SPATA31E1: variants seen among roughly 807,000 people sequenced by gnomAD.
The protein encoded by SPATA31E1 is spermatogenesis-associated protein 31E1.
A neutral mutation model predicts 12.9 loss-of-function variants in SPATA31E1; 7 were observed. The ratio of observed to expected loss-of-function variants is 0.54; its 90% CI spans 0.31 to 1.02. The LOEUF (loss-of-function observed/expected upper bound fraction) is 1.02, where lower values mean the gene tolerates loss of function less well. Among genes scored for constraint, SPATA31E1 ranks in the 50% least tolerant of loss-of-function variants. SPATA31E1 has a pLI of 0.05. For synonymous variants in SPATA31E1, 771 were observed against 719.0 expected (o/e 1.07, Z -1.16); for missense variants, 1,961 against 1,799.8 (o/e 1.09, Z -1.62).
intron 3 of SPATA31E1, 29 bp from the exon 4 acceptor site, chr9:87,884,884 C>T (rs756122600): frequency 5.7e-6 from 9 of 1,580,826 alleles, no homozygotes; most frequent in South Asian, 3.5e-5. Context: ...CTACCCCTGG[C>T]TGCAGCTTGT....
chr9:87,885,939 T>C lies in SPATA31E1; in HGVS notation c.1452T>C (p.Val484=). The change falls in exon 4 of 4, where the codon GTT becomes GTC. Residue 484 remains valine, a synonymous_variant. Coordinates refer to ENST00000325643, the MANE Select transcript of SPATA31E1 (RefSeq NM_178828.5). ...ASTSLPGEPE[V]EASSQLSQAP... is the part of the protein sequence containing the mutation. ...CTTCTCTTCCAGGTGAACCTGAGGT[T>C]GAGGCATCCTCACAGCTTTCCCAGG... 5.6e-6 allele frequency: 9 copies of C among 1,613,930 alleles called. No homozygotes were observed. Among genetic ancestry groups the C allele is most frequent in the Non-Finnish European group, 7.6e-6 (9 of 1,180,014 alleles).
rs751379389 is a variant in SPATA31E1 at position 87,884,963 on chromosome 9, G to A, written c.476G>A (p.Gly159Glu). 12 of 1,613,800 alleles carry A rather than the reference G, an allele frequency of 7.4e-6. No homozygotes were observed. The highest frequency in any genetic ancestry group is 8.5e-7 in the Non-Finnish European group (1 of 1,179,922). Reference sequence around the variant, plus strand: ...GGCAGCTCCCACCTGCCCTTAGGTGGAGACCCCCTGGGGGACGTGTGTAAA... The same window carrying A: ...GGCAGCTCCCACCTGCCCTTAGGTGAAGACCCCCTGGGGGACGTGTGTAAA... The part of the protein sequence containing the change: ...GEGSSHLPLG[G>E]DPLGDVCKPV... Residue 159 changes from glycine (G) to glutamate (E), a missense_variant, in exon 4 of 4, where the codon GGA (glycine) becomes GAA (glutamate). Coordinates refer to ENST00000325643, the MANE Select transcript of SPATA31E1 (RefSeq NM_178828.5).
chr9:87,887,820 G>A lies in SPATA31E1; in HGVS notation c.3333G>A (p.Gln1111=). 1 of 1,613,912 alleles carries A rather than the reference G, an allele frequency of 6.2e-7. No homozygotes were observed. The highest frequency in any genetic ancestry group is 8.5e-7 in the Non-Finnish European group (1 of 1,180,022). The change falls in exon 4 of 4, where the codon CAG becomes CAA. Residue 1111 remains glutamine (Q), a synonymous_variant. Coordinates refer to ENST00000325643, the MANE Select transcript of SPATA31E1 (RefSeq NM_178828.5). ...ALIVQVDSEE[Q]LPGRAPGILL... Reference sequence around the variant, plus strand: ...TAGTGCAGGTGGACTCAGAGGAGCAGCTGCCAGGCCGTGCCCCGGGCATCC... The same window carrying A: ...TAGTGCAGGTGGACTCAGAGGAGCAACTGCCAGGCCGTGCCCCGGGCATCC...
Position 87,888,390 on chromosome 9 carries a change from G to A in SPATA31E1, c.3903G>A (p.Gly1301=). ...KPGADAFQSW[G]SGPPRQFMDC... is the part of the protein sequence containing the mutation. ...GGGCAGATGCTTTCCAGAGCTGGGGGTCTGGCCCACCAAGGCAGTTTATGG... is the reference window on the plus strand; with the variant it reads ...GGGCAGATGCTTTCCAGAGCTGGGGATCTGGCCCACCAAGGCAGTTTATGG... The change falls in exon 4 of 4, where the codon GGG becomes GGA. Residue 1301 remains glycine (G), a synonymous_variant. Coordinates refer to ENST00000325643, the MANE Select transcript of SPATA31E1 (RefSeq NM_178828.5). The A allele has an allele frequency of 6.2e-7, 1 of 1,614,178 alleles. No individual in the cohort carries two copies. Among genetic ancestry groups the A allele is most frequent in the Non-Finnish European group, 8.5e-7 (1 of 1,180,030 alleles).
chr9:87,886,026 C>T lies in SPATA31E1; in HGVS notation c.1539C>T (p.Ser513=). 1 of 1,613,054 alleles carries T rather than the reference C, an allele frequency of 6.2e-7. No homozygotes were observed. Among genetic ancestry groups the T allele is most frequent in the Non-Finnish European group, 8.5e-7 (1 of 1,179,514 alleles). ...ATTTCACTCCAGCCTGGCCCCAGTC[C>T]CAGCCCCCACCTTTGGCTGAGATCC... ...PQHFTPAWPQ[S]QPPPLAEIQT... is the part of the protein sequence containing the mutation. The change falls in exon 4 of 4, where the codon TCC becomes TCT. Residue 513 remains serine, a synonymous_variant. Transcript: ENST00000325643.
In SPATA31E1 at chr9:87,886,686, C is replaced by A. The variant is rs755413979; in HGVS notation, c.2199C>A (p.Asp733Glu). Residue 733 changes from aspartate (D) to glutamate (E), a missense_variant, in exon 4 of 4, where the codon GAC becomes GAA. Asp to Glu is a conservative substitution (Grantham distance 45). Transcript: ENST00000325643. Reference protein sequence around the residue: ...GRTSVKALDEDKEAEGDLRRS... With the variant: ...GRTSVKALDEEKEAEGDLRRS... ...CCTCAGTGAAGGCTCTGGACGAAGA[C>A]AAGGAGGCAGAAGGTGACTTACGGA... 1.2e-6 allele frequency: 2 copies of A among 1,613,846 alleles called. No individual in the cohort carries two copies. Among genetic ancestry groups the A allele is most frequent in the East Asian group, 4.5e-5 (2 of 44,870 alleles).
In SPATA31E1 at chr9:87,885,834, G is replaced by A. The variant is rs376924527; in HGVS notation, c.1347G>A (p.Glu449=). Residue 449 remains glutamate, a synonymous_variant, in exon 4 of 4, where the codon GAG becomes GAA. Coordinates refer to ENST00000325643, the MANE Select transcript of SPATA31E1 (RefSeq NM_178828.5). Reference sequence around the variant, plus strand: ...GGGACCTCCCCTCTCTCAATAGCGAGTCCCTGGCGACCACAGTCTGGGTTT... The same window carrying A: ...GGGACCTCCCCTCTCTCAATAGCGAATCCCTGGCGACCACAGTCTGGGTTT... The part of the protein sequence containing the change: ...LFWDLPSLNS[E]SLATTVWVSR... The A allele has an allele frequency of 5.2e-4, 834 of 1,613,828 alleles. 8 individuals carry two copies. In the South Asian group the frequency reaches 8.7e-3, roughly 17 times the overall value.
chr9:87,886,549 AG>A lies in SPATA31E1; in HGVS notation c.2064del (p.Lys689ArgfsTer20), dbSNP rs780507917. On this transcript the variant is annotated frameshift_variant, in exon 4 of 4. Coordinates refer to ENST00000325643, the MANE Select transcript of SPATA31E1 (RefSeq NM_178828.5). LOFTEE classifies it low-confidence loss of function (END_TRUNC). ...GCCTTCTGACTTTGCAGGGAAGGGC[AG>A]GAAGGATGTGCAGAAGACCGGGTTC... ...SQPSDFAGKG[R>X]KDVQKTGFRS... The A allele has an allele frequency of 4.3e-6, 7 of 1,613,932 alleles. No individual in the cohort carries two copies. In the Admixed American group the frequency reaches 5.0e-5, roughly 12 times the overall value.
rs374444714 is a variant in SPATA31E1 at position 87,886,954 on chromosome 9, G to A, written c.2467G>A (p.Glu823Lys). Reference sequence around the variant, plus strand: ...GAAAGCCCACGTGAACACCTCCCAGGAGCTTTCCTTCCTCCATCCCTGCAC... The same window carrying A: ...GAAAGCCCACGTGAACACCTCCCAGAAGCTTTCCTTCCTCCATCCCTGCAC... ...GGKAHVNTSQELSFLHPCTQQ... is the reference protein window; with the variant it reads ...GGKAHVNTSQKLSFLHPCTQQ... The change falls in exon 4 of 4, where the codon GAG (glutamate) becomes AAG (lysine). Residue 823 changes from glutamate (E) to lysine (K), a missense_variant. Transcript: ENST00000325643. The A allele has an allele frequency of 4.8e-5, 78 of 1,613,964 alleles. No individual in the cohort carries two copies. Among genetic ancestry groups the A allele is most frequent in the Non-Finnish European group, 1.4e-5 (17 of 1,180,018 alleles).
In SPATA31E1 at chr9:87,887,029, T is replaced by G; in HGVS notation, c.2542T>G (p.Trp848Gly). 1 of 1,614,104 alleles carries G rather than the reference T, an allele frequency of 6.2e-7. No individual in the cohort carries two copies. Among genetic ancestry groups the G allele is most frequent in the Non-Finnish European group, 8.5e-7 (1 of 1,180,012 alleles). Reference protein sequence around the residue: ...HLVRFCVRHSWGTDLQSLEPI... With the variant: ...HLVRFCVRHSGGTDLQSLEPI... ...TGTAAGGTTCTGTGTGAGGCACAGC[T>G]GGGGTACAGACCTCCAGTCCCTGGA... Residue 848 changes from tryptophan to glycine, a missense_variant, in exon 4 of 4, where the codon TGG becomes GGG. By Grantham distance (184) the Trp-to-Gly change is radical (BLOSUM62 -2). Coordinates refer to ENST00000325643, the MANE Select transcript of SPATA31E1 (RefSeq NM_178828.5).
Position 87,886,202 on chromosome 9 carries a change from A to G in SPATA31E1, c.1715A>G (p.Lys572Arg), listed in dbSNP as rs1375291377. 5.6e-6 allele frequency: 9 copies of G among 1,613,116 alleles called. No individual in the cohort carries two copies. The highest frequency in any genetic ancestry group is 7.6e-6 in the Non-Finnish European group (9 of 1,179,590). ...TGKEYLEWPLKKRPKWKRVLP... is the reference protein window; with the variant it reads ...TGKEYLEWPLRKRPKWKRVLP... ...AAGGAGTATCTTGAATGGCCCTTGA[A>G]GAAGCGACCAAAGTGGAAGAGGGTT... The change falls in exon 4 of 4, where the codon AAG (lysine) becomes AGG (arginine). Residue 572 changes from lysine to arginine, a missense_variant. By Grantham distance (26) the Lys-to-Arg change is conservative. Transcript: ENST00000325643.
Position 87,888,200 on chromosome 9 carries a change from A to C in SPATA31E1, c.3713A>C (p.Glu1238Ala). Reference sequence around the variant, plus strand: ...AGGAGCCACCCTGCCCAAGCCAGGGAAATAGGAGACAAACAAGAAAGGAAA... The same window carrying C: ...AGGAGCCACCCTGCCCAAGCCAGGGCAATAGGAGACAAACAAGAAAGGAAA... Reference protein sequence around the residue: ...SGRSHPAQAREIGDKQERKYN... With the variant: ...SGRSHPAQARAIGDKQERKYN... The change falls in exon 4 of 4, where the codon GAA (glutamate) becomes GCA (alanine). Residue 1238 changes from glutamate (E) to alanine (A), a missense_variant. Glu to Ala is a moderately radical substitution (Grantham distance 107). Transcript: ENST00000325643. 1 of 1,613,802 alleles carries C rather than the reference A, an allele frequency of 6.2e-7. No homozygotes were observed. The highest frequency in any genetic ancestry group is 8.5e-7 in the Non-Finnish European group (1 of 1,180,014).
At position 87,885,478 on chromosome 9, in the gene SPATA31E1, C is replaced by T. The variant is rs745818112; in HGVS notation, c.991C>T (p.Leu331Phe). The T allele has an allele frequency of 3.7e-6, 6 of 1,613,962 alleles. No homozygotes were observed. In the African/African-American group the frequency reaches 8.0e-5, roughly 22 times the overall value. ...YSHGKSQPRH[L>F]PDHTSEASFW... ...ACATGGCAAATCCCAGCCACGGCAT[C>T]TTCCCGACCACACCTCAGAGGCTTC... Residue 331 changes from leucine to phenylalanine, a missense_variant, in exon 4 of 4, where the codon CTT (leucine) becomes TTT (phenylalanine). By Grantham distance (22) the Leu-to-Phe change is conservative. Coordinates refer to ENST00000325643, the MANE Select transcript of SPATA31E1 (RefSeq NM_178828.5).
Position 87,887,056 on chromosome 9 carries a change from C to CTG in SPATA31E1, c.2569_2570insTG (p.Pro857LeufsTer3), listed in dbSNP as rs1165787163. ...GGGTACAGACCTCCAGTCCCTGGAG[C>CTG]CCATAAATGTCTGGTCAGGTGAGGC... On this transcript the variant is annotated frameshift_variant, in exon 4 of 4. Transcript: ENST00000325643. LOFTEE classifies it low-confidence loss of function (END_TRUNC). 6.2e-7 allele frequency: 1 copy of CTG among 1,613,970 alleles called. No individual in the cohort carries two copies. Among genetic ancestry groups the CTG allele is most frequent in the East Asian group, 2.2e-5 (1 of 44,882 alleles).
chr9:87,884,181 G>T, intron 2 of SPATA31E1, 135 bp downstream of exon 2: 2 of 1,189,768 alleles, frequency 1.7e-6, no homozygotes, highest in Non-Finnish European at 2.4e-6. Context: ...CAGATTCCCT[G>T]CGGGAATGAA....
In SPATA31E1 at chr9:87,886,769, T is replaced by G. The variant is rs1351064019; in HGVS notation, c.2282T>G (p.Leu761Arg). The change falls in exon 4 of 4, where the codon CTG (leucine) becomes CGG (arginine). Residue 761 changes from leucine (L) to arginine (R), a missense_variant. Physicochemically the swap from Leu to Arg is moderately radical, Grantham distance 102. Coordinates refer to ENST00000325643, the MANE Select transcript of SPATA31E1 (RefSeq NM_178828.5). ...CCCAGGGACCCAGACAAGGAGCATC[T>G]GGAAAACAAGCTGCAAATCCATCTG... ...STPRDPDKEH[L>R]ENKLQIHLAR... 6.2e-7 allele frequency: 1 copy of G among 1,614,012 alleles called. No individual in the cohort carries two copies. Among genetic ancestry groups the G allele is most frequent in the East Asian group, 2.2e-5 (1 of 44,862 alleles).
Position 87,888,401 on chromosome 9 carries a change from C to T in SPATA31E1, c.3914C>T (p.Pro1305Leu), listed in dbSNP as rs200021508. ...DAFQSWGSGPPRQFMDCMADK... is the reference protein window; with the variant it reads ...DAFQSWGSGPLRQFMDCMADK... ...TTCCAGAGCTGGGGGTCTGGCCCACCAAGGCAGTTTATGGACTGCATGGCT... is the reference window on the plus strand; with the variant it reads ...TTCCAGAGCTGGGGGTCTGGCCCACTAAGGCAGTTTATGGACTGCATGGCT... Residue 1305 changes from proline (P) to leucine (L), a missense_variant, in exon 4 of 4, where the codon CCA (proline) becomes CTA (leucine). By Grantham distance (98) the Pro-to-Leu change is moderately conservative. Coordinates refer to ENST00000325643, the MANE Select transcript of SPATA31E1 (RefSeq NM_178828.5). 1.2e-6 allele frequency: 2 copies of T among 1,614,034 alleles called. No homozygotes were observed. The highest frequency in any genetic ancestry group is 1.3e-5 in the African/African-American group (1 of 74,894).
At position 87,887,174 on chromosome 9, in the gene SPATA31E1, G is replaced by A. The variant is rs139269965; in HGVS notation, c.2687G>A (p.Gly896Glu). The A allele has an allele frequency of 2.5e-5, 41 of 1,613,964 alleles. No homozygotes were observed. In the African/African-American group the frequency reaches 4.7e-4, roughly 18 times the overall value. The change falls in exon 4 of 4, where the codon GGA (glycine) becomes GAA (glutamate). Residue 896 changes from glycine to glutamate, a missense_variant. Transcript: ENST00000325643. ...ESVPKVPIFL[G>E]KRPQNGPGDN... ...GTACCCAAGGTTCCCATTTTCCTGG[G>A]AAAACGTCCTCAGAATGGTCCAGGA...
Position 87,887,406 on chromosome 9 carries a change from C to A in SPATA31E1, c.2919C>A (p.Ser973Arg). 1 of 1,613,796 alleles carries A rather than the reference C, an allele frequency of 6.2e-7. No individual in the cohort carries two copies. Among genetic ancestry groups the A allele is most frequent in the Non-Finnish European group, 8.5e-7 (1 of 1,180,026 alleles). Residue 973 changes from serine to arginine, a missense_variant, in exon 4 of 4, where the codon AGC becomes AGA. Physicochemically the swap from Ser to Arg is moderately radical, Grantham distance 110. Coordinates refer to ENST00000325643, the MANE Select transcript of SPATA31E1 (RefSeq NM_178828.5). ...GCCTTGTGGGCAGAACCTGGCAGAG[C>A]AGGACTGTCCTGGAATCCGGGAAAC... ...TCSLVGRTWQ[S>R]RTVLESGKPK...
Sources: gnomAD v4.1 joint callset for allele counts on GRCh38, gnomAD v4.1.1 for gene constraint, MANE v1.5 for transcripts, NCBI Gene and HGNC (gene_info 2026-07-23, HGNC 2026-07-21) for gene names.